Variants in LARGE1 observed in about 807,000 individuals in gnomAD.
The protein encoded by LARGE1 is LARGE xylosyl- and glucuronyltransferase 1.
In LARGE1, 43 loss-of-function variants were observed where a neutral mutation model predicts 87.6. That is an observed-to-expected ratio of 0.49 (90% confidence interval 0.38 to 0.63). LARGE1 has a LOEUF of 0.63. LARGE1 is among the 30% of genes least tolerant of loss of function. The pLI, the probability that LARGE1 is intolerant of heterozygous loss-of-function variation, is 0.00. For synonymous variants in LARGE1, 434 were observed against 394.6 expected (o/e 1.10, Z -1.18); for missense variants, 802 against 1,000.2 (o/e 0.80, Z 2.67).
intron 5 of LARGE1, among the ~76,000 whole-genome samples, chr22:33,596,441 C>A (rs770737344): frequency 1.3e-5 from 2 of 152,140 alleles, no homozygotes; most frequent in Non-Finnish European, 2.9e-5. Flanking sequence ...GCAGAACCAG[C>A]CTTCGTATTC....
intron 3 of LARGE1, among the ~76,000 whole-genome samples, chr22:33,642,456 A>G (rs2080464845): frequency 6.6e-6 from 1 of 152,268 alleles, no homozygotes; most frequent in East Asian, 1.9e-4. Flanking sequence ...GATCAATGAC[A>G]TTATGAAGAA....
At chr22:33,595,768 C>A (rs944659923) in intron 5 of LARGE1, among the ~76,000 whole-genome samples, 8 of 152,180 alleles carry the variant, frequency 5.3e-5, no homozygotes, top group Non-Finnish European at 1.2e-4. Context: ...TGGCCATGCC[C>A]ATGCCAAAGG....
intron 9 of LARGE1, among the ~76,000 whole-genome samples, chr22:33,340,401 G>T (rs1047526708): frequency 6.6e-6 from 1 of 151,834 alleles, no homozygotes; most frequent in Non-Finnish European, 1.5e-5. Flanking sequence ...GAGGCAGAGG[G>T]TCCAAGGGGA....
At chr22:33,826,817 T>C (rs1189456377) in intron 1 of LARGE1, among the ~76,000 whole-genome samples, 3 of 152,082 alleles carry the variant, frequency 2.0e-5, no homozygotes, top group Admixed American at 6.5e-5. Context: ...TGGCCTACAA[T>C]AGTTCTCATC....
chr22:33,089,321 T>TTTCTTCTTCTTC, the LARGE1 span, among the ~76,000 whole-genome samples: 1,622 of 86,956 alleles, frequency 0.019, 29 homozygotes, highest in South Asian at 0.026. Context: ...TTCTTTCTTC[T>TTTCTTCTTCTTC]TTCTTCTTCT....
At chr22:33,903,236 C>T (rs1009434725) in intron 1 of LARGE1, among the ~76,000 whole-genome samples, 1 of 152,160 alleles carries the variant, frequency 6.6e-6, no homozygotes, top group Non-Finnish European at 1.5e-5. Context: ...CACAGACACA[C>T]GCAGAGGGGA....
intron 9 of LARGE1, among the ~76,000 whole-genome samples, chr22:33,363,802 G>C (rs2064473514): frequency 6.7e-6 from 1 of 149,868 alleles, no homozygotes. Flanking sequence ...CACAAGCATT[G>C]CGATCCCAGA....
chr22:33,697,910 A>C (rs1348403887), intron 2 of LARGE1, among the ~76,000 whole-genome samples: 1 of 152,202 alleles, frequency 6.6e-6, no homozygotes, highest in Non-Finnish European at 1.5e-5. Flanking sequence ...AGGCAGCACA[A>C]AGATGACAGC....
At chr22:33,198,474 G>A (rs1924193977) in intron 11 of LARGE1, among the ~76,000 whole-genome samples, 1 of 151,888 alleles carries the variant, frequency 6.6e-6, no homozygotes, top group African/African-American at 2.4e-5. Flanking sequence ...TCCTACATGT[G>A]TATATTGCAT....
intron 2 of LARGE1, among the ~76,000 whole-genome samples, chr22:33,673,139 G>A (rs1446098467): frequency 1.3e-5 from 2 of 152,090 alleles, no homozygotes; most frequent in East Asian, 1.9e-4. Context: ...GCCAGGCATG[G>A]TGGCGGGCGC....
intron 11 of LARGE1, among the ~76,000 whole-genome samples, chr22:33,173,874 T>G (rs988686445): frequency 6.6e-6 from 1 of 152,036 alleles, no homozygotes; most frequent in Non-Finnish European, 1.5e-5. Flanking sequence ...AAACTTAGAC[T>G]CCCACACAAT....
intron 6 of LARGE1, among the ~76,000 whole-genome samples, chr22:33,537,483 C>A (rs563233436): frequency 6.6e-6 from 1 of 152,312 alleles, no homozygotes; most frequent in South Asian, 2.1e-4. Context: ...TTGGGGGTCA[C>A]CTGTATAGTC....
intron 7 of LARGE1, among the ~76,000 whole-genome samples, chr22:33,394,087 A>G (rs2065632878): frequency 8.6e-6 from 1 of 115,694 alleles, no homozygotes; most frequent in African/African-American, 3.0e-5. Context: ...CTGCCAAAAA[A>G]AAAAAAAAAA....
intron 9 of LARGE1, among the ~76,000 whole-genome samples, chr22:33,359,969 A>G (rs1243742169): frequency 6.7e-6 from 1 of 149,482 alleles, no homozygotes; most frequent in African/African-American, 2.5e-5. Flanking sequence ...ATATGGGACC[A>G]AAGTCCTGAG....
At chr22:33,800,181 C>A (rs993631053) in intron 1 of LARGE1, among the ~76,000 whole-genome samples, 3 of 152,162 alleles carry the variant, frequency 2.0e-5, no homozygotes, top group African/African-American at 7.2e-5. Flanking sequence ...GCTCTGACTG[C>A]TAAATACCTA....
chr22:33,769,096 C>G (rs991881953), intron 1 of LARGE1, among the ~76,000 whole-genome samples: 1 of 152,210 alleles, frequency 6.6e-6, no homozygotes, highest in African/African-American at 2.4e-5. Context: ...AAATTTGTTA[C>G]AACAGCTTTC....
At chr22:33,800,521 T>C (rs5749665) in intron 1 of LARGE1, among the ~76,000 whole-genome samples, 138,731 of 152,226 alleles carry the variant, frequency 0.91, 63,374 homozygotes, top group East Asian at 0.97. Context: ...TCTATCATCC[T>C]GAAGAAACTC....
chr22:33,613,806 G>A (rs907620651), intron 4 of LARGE1, among the ~76,000 whole-genome samples: 24 of 152,186 alleles, frequency 1.6e-4, no homozygotes, highest in African/African-American at 5.6e-4. Flanking sequence ...AGTAAGGAGG[G>A]GCTTTTGTTT....
At chr22:33,873,824 C>T (rs1469597041) in intron 1 of LARGE1, among the ~76,000 whole-genome samples, 1 of 151,978 alleles carries the variant, frequency 6.6e-6, no homozygotes, top group Non-Finnish European at 1.5e-5. Context: ...CCCTGCCCTC[C>T]TCACTCCATG....
Sources: gnomAD v4.1 joint callset for allele counts (sites outside exome capture counted in the v4.1 genomes callset) on GRCh38, gnomAD v4.1.1 for gene constraint, MANE v1.5 for transcripts, NCBI Gene and HGNC (gene_info 2026-07-23, HGNC 2026-07-21) for gene names.